Variants in NDUFA10 observed in about 807,000 individuals in gnomAD.
The protein encoded by NDUFA10 is NADH:ubiquinone oxidoreductase subunit A10.
Under a neutral mutation model 47.8 loss-of-function variants are expected in NDUFA10, and 40 were observed. The ratio of observed to expected loss-of-function variants is 0.84; its 90% CI spans 0.65 to 1.09. NDUFA10 has a LOEUF of 1.09. Ranked by LOEUF, NDUFA10 falls within the 50% of genes least tolerant of loss-of-function variation. The pLI is 0.00. For missense variants in NDUFA10, 413 were observed against 451.1 expected, an observed-to-expected ratio of 0.92 and a Z score of 0.76; for synonymous variants, 183 against 172.2, an observed-to-expected ratio of 1.06 and a Z score of -0.49.
chr2:240,011,828 G>T, intron 5 of NDUFA10, 132 bp from the exon 6 acceptor site: 1 of 781,236 alleles, frequency 1.3e-6, no homozygotes, highest in Non-Finnish European at 2.2e-6. Context: ...TGTGGGGACT[G>T]CGGGGTGACA....
intron 4 of NDUFA10, among the ~76,000 whole-genome samples, chr2:239,939,940 A>G (rs960296824): frequency 1.3e-5 from 2 of 152,176 alleles, no homozygotes; most frequent in Non-Finnish European, 2.9e-5. Flanking sequence ...TGACCAGGAG[A>G]GGCCTGGCAA....
intron 4 of NDUFA10, among the ~76,000 whole-genome samples, chr2:239,922,407 C>A (rs1474178068): frequency 6.6e-6 from 1 of 152,196 alleles, no homozygotes; most frequent in African/African-American, 2.4e-5. Context: ...GCATCAGGGA[C>A]CCCAGGACAG....
chr2:239,893,595 C>T (rs4324344), intron 5 of NDUFA10, among the ~76,000 whole-genome samples: 80,169 of 152,112 alleles, frequency 0.53, 21,274 homozygotes, highest in African/African-American at 0.59. Flanking sequence ...TGTGTCTCCA[C>T]GTGGCAGAAG....
Position 240,025,316 on chromosome 2 carries a change from C to T in NDUFA10, c.-15G>A, listed in dbSNP as rs1482306757. On this transcript the variant is annotated 5_prime_UTR_variant, in exon 1 of 10. Transcript: ENST00000252711. Reference sequence around the variant, plus strand: ...CGCAAGGCCATGGCTACCCGGTCAGCTCAGGATCAAGGACCCAAGGGGACG... The same window carrying T: ...CGCAAGGCCATGGCTACCCGGTCAGTTCAGGATCAAGGACCCAAGGGGACG... The T allele has an allele frequency of 2.7e-6, 4 of 1,498,706 alleles. No individual in the cohort carries two copies. The highest frequency in any genetic ancestry group is 3.5e-6 in the Non-Finnish European group (4 of 1,127,344). The allele number at this position is 1,498,706 out of a possible 1,614,324, so 92.8% of individuals were successfully genotyped here. A position where few individuals can be genotyped will look rare whatever the true frequency, so the allele number is the denominator to read the frequency against.
intron 7 of NDUFA10, 84 bp from the exon 8 acceptor site, chr2:240,005,379 G>A (rs142946145): frequency 1.3e-5 from 14 of 1,106,698 alleles, no homozygotes; most frequent in Middle Eastern, 2.0e-4. Context: ...GACAGGGTCC[G>A]GCTCTATCAT....
intron 9 of NDUFA10, among the ~76,000 whole-genome samples, chr2:239,976,945 T>G (rs74002069): frequency 6.6e-6 from 1 of 151,968 alleles, no homozygotes; most frequent in Non-Finnish European, 1.5e-5. Context: ...GTGCACCTCT[T>G]AGAATTACAC....
At chr2:239,922,489 A>G (rs1367506396) in intron 4 of NDUFA10, among the ~76,000 whole-genome samples, 1 of 152,194 alleles carries the variant, frequency 6.6e-6, no homozygotes, top group African/African-American at 2.4e-5. Context: ...TCTTTCTCCC[A>G]CACATGGATG....
In NDUFA10 at chr2:239,914,942, CAG is replaced by C. The variant is rs1383785092; in HGVS notation, c.295-19630_295-19629del. 8.8e-5 allele frequency among the ~76,000 whole-genome samples: 13 copies of C among 148,304 alleles called. 2 individuals carry two copies. The highest frequency in any genetic ancestry group is 1.8e-4 in the African/African-American group (7 of 38,712). ...AAATATACAGATACAGAGAGAGACA[CAG>C]AGATATATAAACATACACACAGAAC... On this transcript the variant is annotated intron_variant, in intron 4 of 5. Transcript: ENST00000419408.
At chr2:239,999,086 C>T (rs183365950) in intron 8 of NDUFA10, among the ~76,000 whole-genome samples, 217 of 152,198 alleles carry the variant, frequency 1.4e-3, no homozygotes, top group African/African-American at 5.0e-3. Flanking sequence ...CTTGGGTCTC[C>T]GAACTCACCA....
chr2:239,999,204 G>A (rs1026786773), intron 8 of NDUFA10, among the ~76,000 whole-genome samples: 5 of 152,154 alleles, frequency 3.3e-5, no homozygotes, highest in African/African-American at 9.7e-5. Flanking sequence ...GGTCATCACC[G>A]CACAATGACA....
chr2:240,014,582 C>A, intron 5 of NDUFA10, 157 bp downstream of exon 5: 1 of 1,220,706 alleles, frequency 8.2e-7, no homozygotes, highest in Non-Finnish European at 1.2e-6. Context: ...CTCCCCTCCA[C>A]CCCTGCAGAT....
chr2:239,970,002 A>G (rs2106407135), intron 9 of NDUFA10, among the ~76,000 whole-genome samples: 1 of 152,358 alleles, frequency 6.6e-6, no homozygotes, highest in Middle Eastern at 3.4e-3. Flanking sequence ...AACACTTTCC[A>G]TGTGTTCTGA....
chr2:239,929,423 G>A (rs189292746), intron 4 of NDUFA10, among the ~76,000 whole-genome samples: 4 of 152,186 alleles, frequency 2.6e-5, no homozygotes, highest in Non-Finnish European at 5.9e-5. Flanking sequence ...AGGAAAAAAT[G>A]AGTCAAAAAG....
chr2:239,903,292 G>T (rs78219974), intron 4 of NDUFA10, among the ~76,000 whole-genome samples: 1 of 152,184 alleles, frequency 6.6e-6, no homozygotes. Flanking sequence ...GCCACAGAAC[G>T]TCAGCACGGG....
At chr2:239,911,249 A>C (rs1014092533) in intron 4 of NDUFA10, among the ~76,000 whole-genome samples, 5 of 152,060 alleles carry the variant, frequency 3.3e-5, no homozygotes, top group African/African-American at 9.7e-5. Context: ...ACCTGGGAGA[A>C]GGGGCTCAGG....
intron 5 of NDUFA10, chr2:240,013,672 GTT>G (rs1697225003): frequency 1.3e-5 from 2 of 152,236 alleles, no homozygotes; most frequent in African/African-American, 4.8e-5. Context: ...GAGAAGGAAA[GTT>G]AGTCCCATGG....
In NDUFA10 at chr2:240,014,712, T is replaced by C. The variant is rs369318502; in HGVS notation, c.669+27A>G. On this transcript the variant is annotated intron_variant, in intron 5 of 9. Transcript: ENST00000252711. ...TGATCTACATTCAAAATAGAGATGCTTGGCCTTTGATTGAAAACTGCATTA... is the reference window on the plus strand; with the variant it reads ...TGATCTACATTCAAAATAGAGATGCCTGGCCTTTGATTGAAAACTGCATTA... The C allele has an allele frequency of 1.2e-5, 19 of 1,613,986 alleles. No homozygotes were observed. The African/African-American group carries it at 2.1e-4, about 18-fold the overall frequency.
chr2:239,913,752 C>T (rs11891763), intron 4 of NDUFA10, among the ~76,000 whole-genome samples: 28,628 of 152,162 alleles, frequency 0.19, 3,148 homozygotes, highest in African/African-American at 0.3. Flanking sequence ...TCCCTGAGCT[C>T]AACCGGATGC....
chr2:239,996,673 T>A (rs978700659), intron 8 of NDUFA10, among the ~76,000 whole-genome samples: 1 of 152,204 alleles, frequency 6.6e-6, no homozygotes, highest in African/African-American at 2.4e-5. Flanking sequence ...AGTATTTGCA[T>A]ATAAACTATG....
Sources: gnomAD v4.1 joint callset for allele counts (sites outside exome capture counted in the v4.1 genomes callset) on GRCh38, gnomAD v4.1.1 for gene constraint, MANE v1.5 for transcripts, NCBI Gene and HGNC (gene_info 2026-07-23, HGNC 2026-07-21) for gene names.